FSHR: variants seen among roughly 807,000 people sequenced by gnomAD.
The protein encoded by FSHR is follicle-stimulating hormone receptor.
FSHR carries 46 observed loss-of-function variants against 52.1 expected under a neutral mutation model. That is an observed-to-expected ratio of 0.88 (90% CI 0.70 to 1.13). The LOEUF (loss-of-function observed/expected upper bound fraction) is 1.13. Ranked by LOEUF, FSHR falls within the 50% of genes most tolerant of loss-of-function variation. The pLI, the probability that FSHR is intolerant of heterozygous loss-of-function variation, is 0.00. For missense variants in FSHR, 964 were observed against 834.6 expected (o/e 1.16, Z -1.91); for synonymous variants, 399 against 309.6 (o/e 1.29, Z -3.03).
intron 2 of FSHR, among the ~76,000 whole-genome samples, chr2:49,030,271 A>AGT (rs141079184): frequency 0.022 from 3,093 of 140,382 alleles, 68 homozygotes; most frequent in East Asian, 0.067. Flanking sequence ...AGGAATAGCA[A>AGT]GTGTGTGTGT....
In FSHR at chr2:48,972,361, C is replaced by T. The variant is rs17037957; in HGVS notation, c.669-3478G>A. ...TCCAGGGCATCTTGTCTAGCTCCCT[C>T]CCTATTATGATTCTTCAGATTTGGG... On this transcript the variant is annotated intron_variant, in intron 8 of 9. Transcript: ENST00000406846. Among the ~76,000 whole-genome samples, 975 of 152,290 alleles carry T rather than the reference C, an allele frequency of 6.4e-3. 12 individuals are homozygous for T. The highest frequency in any genetic ancestry group is 0.023 in the African/African-American group (940 of 41,552).
At chr2:49,071,196 A>T (rs2103625679) in intron 1 of FSHR, among the ~76,000 whole-genome samples, 1 of 152,298 alleles carries the variant, frequency 6.6e-6, no homozygotes, top group East Asian at 1.9e-4. Flanking sequence ...AACTTATAAA[A>T]GATATAAATC....
chr2:49,095,685 C>T (rs1670800187), intron 1 of FSHR, among the ~76,000 whole-genome samples: 1 of 152,038 alleles, frequency 6.6e-6, no homozygotes, highest in South Asian at 2.1e-4. Context: ...AGCAAAAAGA[C>T]AACCCACAAA....
chr2:49,028,794 A>C (rs1667998308), intron 2 of FSHR, among the ~76,000 whole-genome samples: 1 of 152,206 alleles, frequency 6.6e-6, no homozygotes, highest in South Asian at 2.1e-4. Context: ...CTTGAAGGCC[A>C]CAGTTGAAGA....
intron 2 of FSHR, 56 bp downstream of exon 2, chr2:49,068,163 G>C (rs1275371923): frequency 3.0e-6 from 4 of 1,340,890 alleles, no homozygotes; most frequent in Non-Finnish European, 4.3e-6. Context: ...TGTGGTCTGA[G>C]GTTGCTCCCT....
intron 1 of FSHR, among the ~76,000 whole-genome samples, chr2:49,134,899 A>T (rs1672429598): frequency 6.6e-6 from 1 of 151,180 alleles, no homozygotes. Context: ...GGAACATCAC[A>T]CTCTGGGGAC....
At chr2:49,057,200 A>G (rs1490560344) in intron 2 of FSHR, among the ~76,000 whole-genome samples, 5 of 152,158 alleles carry the variant, frequency 3.3e-5, no homozygotes, top group Non-Finnish European at 1.5e-5. Context: ...CACTAAAATA[A>G]TAACACAAGA....
intron 2 of FSHR, among the ~76,000 whole-genome samples, chr2:49,021,884 TATAGAGAGAGAGAG>T (rs1471676694): frequency 8.8e-4 from 32 of 36,554 alleles, no homozygotes; most frequent in African/African-American, 2.7e-3. Flanking sequence ...TATATATATA[TATAGAGAGAGAGAG>T]AGAGAGAGAG....
chr2:49,107,896 A>G (rs1048857439), intron 1 of FSHR, among the ~76,000 whole-genome samples: 1 of 152,126 alleles, frequency 6.6e-6, no homozygotes, highest in African/African-American at 2.4e-5. Flanking sequence ...GAATATTGAA[A>G]TATATTTTGA....
chr2:49,143,780 A>G (rs1364911670), intron 1 of FSHR, among the ~76,000 whole-genome samples: 2 of 152,166 alleles, frequency 1.3e-5, no homozygotes, highest in Non-Finnish European at 2.9e-5. Context: ...TTGCAAGCAC[A>G]TTAAAGTTTG....
intron 2 of FSHR, among the ~76,000 whole-genome samples, chr2:49,030,198 C>A (rs1403653951): frequency 2.0e-5 from 3 of 150,934 alleles, no homozygotes; most frequent in Non-Finnish European, 3.0e-5. Context: ...ATTGATACCC[C>A]CTACAAGCCA....
intron 4 of FSHR, among the ~76,000 whole-genome samples, chr2:48,995,828 A>G (rs1237570596): frequency 1.3e-5 from 2 of 152,062 alleles, no homozygotes; most frequent in Non-Finnish European, 1.5e-5. Context: ...TTTTTATCAC[A>G]TATGTCAACA....
At chr2:48,983,852 A>T (rs1675368342) in intron 6 of FSHR, among the ~76,000 whole-genome samples, 1 of 152,126 alleles carries the variant, frequency 6.6e-6, no homozygotes, top group African/African-American at 2.4e-5. Context: ...AGATGGGTGT[A>T]GAACAGCCAT....
chr2:49,092,824 C>T (rs1358143503), intron 1 of FSHR, among the ~76,000 whole-genome samples: 3 of 152,062 alleles, frequency 2.0e-5, no homozygotes, highest in South Asian at 2.1e-4. Context: ...CACCACCATG[C>T]GCAGCTATTT....
chr2:49,065,458 G>A (rs1320601928), intron 2 of FSHR, among the ~76,000 whole-genome samples: 2 of 152,122 alleles, frequency 1.3e-5, no homozygotes, highest in African/African-American at 4.8e-5. Context: ...AAGGGATAGA[G>A]AATGCACCTG....
chr2:49,027,231 G>T (rs1667938838), intron 2 of FSHR, among the ~76,000 whole-genome samples: 1 of 152,018 alleles, frequency 6.6e-6, no homozygotes, highest in Non-Finnish European at 1.5e-5. Flanking sequence ...CACCATCATT[G>T]TCAGCTTTGC....
chr2:49,022,919 T>A (rs1558396105), intron 2 of FSHR, among the ~76,000 whole-genome samples: 1 of 152,184 alleles, frequency 6.6e-6, no homozygotes, highest in Admixed American at 6.5e-5. Context: ...GAGATCTTTT[T>A]AGAATGCAGA....
chr2:49,011,158 G>A (rs1232495485), intron 4 of FSHR, among the ~76,000 whole-genome samples: 3 of 150,416 alleles, frequency 2.0e-5, no homozygotes, highest in Non-Finnish European at 4.4e-5. Flanking sequence ...TTTCTCTTGT[G>A]GGCATTTAGT....
intron 1 of FSHR, among the ~76,000 whole-genome samples, chr2:49,108,324 T>G (rs1301609551): frequency 3.9e-5 from 6 of 152,178 alleles, no homozygotes; most frequent in Admixed American, 3.9e-4. Context: ...TCCATGATCA[T>G]GTGAGCTAAT....
Sources: allele counts gnomAD v4.1 joint callset (sites outside exome capture counted in the v4.1 genomes callset), GRCh38; gene constraint gnomAD v4.1.1; transcripts MANE v1.5; gene names NCBI Gene and HGNC (gene_info 2026-07-23, HGNC 2026-07-21).